The following MINDY3 variants were observed in gnomAD, a reference collection of about 807,000 sequenced individuals.
MINDY3 encodes ubiquitin carboxyl-terminal hydrolase MINDY-3.
MINDY3 carries 38 observed loss-of-function variants against 69.2 expected under a neutral mutation model. The observed-to-expected ratio is 0.55, with a 90% CI of 0.42 to 0.72. The LOEUF (loss-of-function observed/expected upper bound fraction) is 0.72, where lower values mean the gene tolerates loss of function less well. Ranked by LOEUF, MINDY3 falls within the 30% of genes least tolerant of loss-of-function variation. MINDY3 has a pLI of 0.00. For synonymous variants in MINDY3, 192 were observed against 180.1 expected, an observed-to-expected ratio of 1.07 and a Z score of -0.53; for missense variants, 522 against 519.0, an observed-to-expected ratio of 1.01 and a Z score of -0.06.
At position 15,837,320 on chromosome 10, in the gene MINDY3, T is replaced by TG. The variant is rs764730854; in HGVS notation, c.462-3dup. ...GGTAAACTTCTGAACGATCTTTTTC[T>TG]GGGGGAAAAAAAGAATTAAGTATTG... On this transcript the variant is annotated splice_polypyrimidine_tract_variant and splice_region_variant and intron_variant, in intron 5 of 14. Coordinates refer to ENST00000277632, the MANE Select transcript of MINDY3 (RefSeq NM_024948.4). The TG allele has an allele frequency of 7.0e-6, 11 of 1,574,290 alleles. No individual in the cohort carries two copies. The highest frequency in any genetic ancestry group is 3.5e-5 in the South Asian group (3 of 86,018).
intron 1 of MINDY3, among the ~76,000 whole-genome samples, chr10:15,852,162 C>T (rs1834346889): frequency 6.6e-6 from 1 of 152,148 alleles, no homozygotes; most frequent in Non-Finnish European, 1.5e-5. Context: ...TGTTTGTTTA[C>T]TTCTTAATCA....
chr10:15,816,400 T>A (rs1438068828), intron 10 of MINDY3, among the ~76,000 whole-genome samples: 3 of 152,030 alleles, frequency 2.0e-5, no homozygotes, highest in Non-Finnish European at 4.4e-5. Flanking sequence ...TAAAAGAGCA[T>A]TTGACTTTAA....
intron 10 of MINDY3, among the ~76,000 whole-genome samples, chr10:15,807,500 G>A (rs753672842): frequency 6.6e-6 from 1 of 152,032 alleles, no homozygotes; most frequent in African/African-American, 2.4e-5. Context: ...ACTTAGTGGC[G>A]GTCATCTATT....
intron 8 of MINDY3, among the ~76,000 whole-genome samples, chr10:15,823,598 A>G (rs533898476): frequency 2.6e-5 from 4 of 152,254 alleles, no homozygotes; most frequent in South Asian, 4.1e-4. Context: ...TTATTTCTAC[A>G]AATTTAGGAG....
intron 11 of MINDY3, among the ~76,000 whole-genome samples, chr10:15,795,470 G>A (rs1291105045): frequency 6.6e-6 from 1 of 152,046 alleles, no homozygotes; most frequent in Non-Finnish European, 1.5e-5. Flanking sequence ...TACTTCGTAA[G>A]GGAACTCTGA....
chr10:15,859,867 A>G (rs967068138), intron 1 of MINDY3, among the ~76,000 whole-genome samples: 1 of 152,152 alleles, frequency 6.6e-6, no homozygotes, highest in Non-Finnish European at 1.5e-5. Context: ...AGGCCACAGC[A>G]CCCCTTGAGA....
chr10:15,838,677 T>C (rs1304410223), intron 4 of MINDY3, among the ~76,000 whole-genome samples: 1 of 151,722 alleles, frequency 6.6e-6, no homozygotes, highest in Non-Finnish European at 1.5e-5. Context: ...TATAAAATCT[T>C]TAGGTTTAAG....
At chr10:15,833,790 T>C in intron 7 of MINDY3, 81 bp from the exon 8 acceptor site, 1 of 895,686 alleles carries the variant, frequency 1.1e-6, no homozygotes, top group Non-Finnish European at 1.8e-6. Flanking sequence ...TATAAAGTAA[T>C]GACTTTTCAC....
chr10:15,820,280 G>A (rs115147775), intron 9 of MINDY3, among the ~76,000 whole-genome samples: 2,532 of 152,204 alleles, frequency 0.017, 53 homozygotes, highest in African/African-American at 0.055. Context: ...AGGGCTCGGC[G>A]TGTCTGGGAA....
At position 15,856,853 on chromosome 10, in the gene MINDY3, T is replaced by C. The variant is rs976540183; in HGVS notation, c.94+3353A>G. ...GTTTGGTTGTGGTCACTCTGTCCGC[T>C]TCTTACCATCTCCACTACCACTACT... On this transcript the variant is annotated intron_variant, in intron 1 of 14. Transcript: ENST00000277632. 8.5e-5 allele frequency among the ~76,000 whole-genome samples: 13 copies of C among 152,308 alleles called. No individual in the cohort carries two copies. The East Asian group carries it at 2.5e-3, about 29-fold the overall frequency.
intron 13 of MINDY3, among the ~76,000 whole-genome samples, chr10:15,783,100 C>T (rs954130421): frequency 2.6e-5 from 4 of 152,142 alleles, no homozygotes; most frequent in Admixed American, 2.0e-4. Context: ...CAGCTGCTGG[C>T]AACTGGAGCT....
intron 1 of MINDY3, among the ~76,000 whole-genome samples, chr10:15,852,274 T>A (rs1441417521): frequency 6.6e-6 from 1 of 152,202 alleles, no homozygotes; most frequent in Non-Finnish European, 1.5e-5. Context: ...TGCTTGTTGA[T>A]GTTTTGGCAT....
chr10:15,858,457 A>G (rs1274239032), intron 1 of MINDY3, among the ~76,000 whole-genome samples: 1 of 152,250 alleles, frequency 6.6e-6, no homozygotes, highest in African/African-American at 2.4e-5. Context: ...ACAATTAAAC[A>G]CTTTTTAAAA....
chr10:15,839,207 A>T lies in MINDY3; in HGVS notation c.410-928T>A, dbSNP rs564036647. On this transcript the variant is annotated intron_variant, in intron 4 of 14. Transcript: ENST00000277632. ...TTTAGATTTTTATTTACAATTTAAA[A>T]TGTCACATTATGCTAGCTTTCCAAA... Among the ~76,000 whole-genome samples, 4 of 151,860 alleles carry T rather than the reference A, an allele frequency of 2.6e-5. No individual in the cohort carries two copies. In the East Asian group the frequency reaches 7.7e-4, roughly 29 times the overall value.
rs964295167 is a variant in MINDY3, at chr10:15,838,918, CAT to C, written c.410-641_410-640del. Among the ~76,000 whole-genome samples the C allele has an allele frequency of 1.6e-3, 241 of 151,788 alleles. 1 individual carries two copies. The highest frequency in any genetic ancestry group is 5.6e-3 in the African/African-American group (232 of 41,526). On this transcript the variant is annotated intron_variant, in intron 4 of 14. Coordinates refer to ENST00000277632, the MANE Select transcript of MINDY3 (RefSeq NM_024948.4). ...GCCAGGCCCTTTTCTAAATGCCCTA[CAT>C]GTCTTACCTCATTTAATCCTCATAT...
At chr10:15,851,959 T>C (rs892365242) in intron 1 of MINDY3, among the ~76,000 whole-genome samples, 1 of 152,168 alleles carries the variant, frequency 6.6e-6, no homozygotes, top group Non-Finnish European at 1.5e-5. Context: ...AGACTTTACC[T>C]GTAGCCTCAA....
intron 10 of MINDY3, among the ~76,000 whole-genome samples, chr10:15,806,349 G>C (rs1475271529): frequency 1.3e-5 from 2 of 152,098 alleles, no homozygotes; most frequent in African/African-American, 4.8e-5. Flanking sequence ...GAAAATTAAT[G>C]CTTAAGAAGA....
At chr10:15,812,268 A>G (rs949521601) in intron 10 of MINDY3, among the ~76,000 whole-genome samples, 1 of 152,156 alleles carries the variant, frequency 6.6e-6, no homozygotes, top group Non-Finnish European at 1.5e-5. Context: ...ATAAATTTCA[A>G]TGTTCTATAA....
intron 12 of MINDY3, chr10:15,788,711 G>A (rs1248202916): frequency 1.3e-5 from 2 of 152,336 alleles, no homozygotes; most frequent in African/African-American, 4.8e-5. Flanking sequence ...ACATAACAGT[G>A]AGAATGAAGA....
Sources: gnomAD v4.1 joint callset for allele counts (sites outside exome capture counted in the v4.1 genomes callset) on GRCh38, gnomAD v4.1.1 for gene constraint, MANE v1.5 for transcripts, NCBI Gene and HGNC (gene_info 2026-07-23, HGNC 2026-07-21) for gene names.